The following PPFIBP1 variants were observed in gnomAD, a reference collection of about 807,000 sequenced individuals.
PPFIBP1 encodes the protein PPFIB scaffold protein 1.
In PPFIBP1, 112 loss-of-function variants were observed where a neutral mutation model predicts 137.8. The ratio of observed to expected loss-of-function variants is 0.81; its 90% CI spans 0.70 to 0.95. The LOEUF (loss-of-function observed/expected upper bound fraction) is 0.95. PPFIBP1 is among the 40% of genes least tolerant of loss of function. The pLI is 0.00. For synonymous variants in PPFIBP1, 378 were observed against 417.3 expected (o/e 0.91, Z 1.15); for missense variants, 1,083 against 1,196.6 (o/e 0.91, Z 1.40).
chr12:27,597,317 A>G (rs2053434927), intron 2 of PPFIBP1, among the ~76,000 whole-genome samples: 1 of 152,036 alleles, frequency 6.6e-6, no homozygotes, highest in Non-Finnish European at 1.5e-5. Flanking sequence ...ACAGGCGCCC[A>G]GCTAATTTTT....
chr12:27,537,262 G>A (rs1414878158), intron 1 of PPFIBP1, among the ~76,000 whole-genome samples: 1 of 152,060 alleles, frequency 6.6e-6, no homozygotes, highest in African/African-American at 2.4e-5. Flanking sequence ...CTCCTGAGTA[G>A]CTGGGATTAC....
intron 2 of PPFIBP1, among the ~76,000 whole-genome samples, chr12:27,589,466 A>G (rs1180491575): frequency 6.6e-6 from 1 of 152,184 alleles, no homozygotes; most frequent in Non-Finnish European, 1.5e-5. Context: ...TGACACTATA[A>G]TTAAGAGATA....
chr12:27,605,042 C>G (rs1245353339), intron 2 of PPFIBP1, among the ~76,000 whole-genome samples: 10 of 152,106 alleles, frequency 6.6e-5, no homozygotes, highest in Non-Finnish European at 1.5e-5. Context: ...CCACCAGGTC[C>G]CTCCCACAAC....
chr12:27,651,676 G>T (rs1178777640), intron 7 of PPFIBP1, among the ~76,000 whole-genome samples: 1 of 152,184 alleles, frequency 6.6e-6, no homozygotes, highest in African/African-American at 2.4e-5. Flanking sequence ...GGGAAGAATT[G>T]ATGGTAGATA....
chr12:27,692,207 G>T (rs760892487), intron 28 of PPFIBP1, among the ~76,000 whole-genome samples: 1 of 152,106 alleles, frequency 6.6e-6, no homozygotes, highest in Non-Finnish European at 1.5e-5. Context: ...CTTGCCCAAG[G>T]TCCCCAACCT....
intron 1 of PPFIBP1, chr12:27,547,075 G>C (rs1592371216): frequency 6.6e-6 from 1 of 152,242 alleles, no homozygotes; most frequent in Admixed American, 6.5e-5. Flanking sequence ...TACTTAGGTG[G>C]AACTGTTCTT....
intron 2 of PPFIBP1, among the ~76,000 whole-genome samples, chr12:27,581,039 C>A (rs1183039789): frequency 6.6e-6 from 1 of 151,948 alleles, no homozygotes; most frequent in South Asian, 2.1e-4. Flanking sequence ...GGACTACAGG[C>A]GTGTGCCATC....
intron 28 of PPFIBP1, 75 bp from the exon 29 acceptor site, chr12:27,692,516 A>G: frequency 7.4e-7 from 1 of 1,356,480 alleles, no homozygotes; most frequent in Non-Finnish European, 1.1e-6. Context: ...TTCTTCTTAG[A>G]CTTTTGTTCC....
intron 7 of PPFIBP1, among the ~76,000 whole-genome samples, chr12:27,650,826 G>A (rs1202162620): frequency 2.0e-5 from 3 of 152,168 alleles, no homozygotes; most frequent in Non-Finnish European, 4.4e-5. Context: ...CTCTCTGTTG[G>A]TTTTTGATGG....
chr12:27,535,086 G>A (rs66491775), intron 1 of PPFIBP1, among the ~76,000 whole-genome samples: 25,674 of 152,140 alleles, frequency 0.17, 2,411 homozygotes, highest in Middle Eastern at 0.26. Context: ...ATATTCTTGA[G>A]TTCAATGGTT....
At chr12:27,609,598 A>G (rs1486313019) in intron 2 of PPFIBP1, among the ~76,000 whole-genome samples, 2 of 152,122 alleles carry the variant, frequency 1.3e-5, no homozygotes, top group African/African-American at 4.8e-5. Flanking sequence ...TTTTAGAAAC[A>G]CAGATCACAT....
chr12:27,625,386 C>A (rs538483120), intron 2 of PPFIBP1, among the ~76,000 whole-genome samples: 1 of 151,944 alleles, frequency 6.6e-6, no homozygotes, highest in Admixed American at 6.6e-5. Context: ...TATTTTAAAG[C>A]AAATTCCAAA....
intron 1 of PPFIBP1, among the ~76,000 whole-genome samples, chr12:27,550,473 C>T (rs1428420255): frequency 6.6e-6 from 1 of 152,188 alleles, no homozygotes; most frequent in Admixed American, 6.5e-5. Flanking sequence ...TAACCATCTC[C>T]TGTACACAAG....
intron 27 of PPFIBP1, among the ~76,000 whole-genome samples, chr12:27,691,314 G>T (rs931752981): frequency 6.6e-6 from 1 of 151,878 alleles, no homozygotes; most frequent in African/African-American, 2.4e-5. Context: ...AGTGGCTTGT[G>T]CCTGTAGTTT....
chr12:27,677,135 G>T, intron 19 of PPFIBP1, 39 bp downstream of exon 19: 2 of 1,612,016 alleles, frequency 1.2e-6, no homozygotes, highest in South Asian at 2.2e-5. Flanking sequence ...CCAGCACTGT[G>T]CTCCAAACCA....
chr12:27,533,060 T>C (rs182024002), intron 1 of PPFIBP1, among the ~76,000 whole-genome samples: 116 of 152,296 alleles, frequency 7.6e-4, no homozygotes, highest in African/African-American at 2.6e-3. Context: ...TGGAGAGCAG[T>C]GGCTATTCAC....
intron 1 of PPFIBP1, chr12:27,552,728 C>A (rs1159456167): frequency 2.0e-5 from 3 of 152,080 alleles, no homozygotes; most frequent in Non-Finnish European, 4.4e-5. Flanking sequence ...AAGCATGGAA[C>A]AAAGGATCAT....
At chr12:27,574,670 T>G (rs2050415537) in intron 1 of PPFIBP1, among the ~76,000 whole-genome samples, 1 of 152,202 alleles carries the variant, frequency 6.6e-6, no homozygotes. Flanking sequence ...TTTGAGATTT[T>G]ATTTTGTATA....
intron 1 of PPFIBP1, among the ~76,000 whole-genome samples, chr12:27,562,479 T>C (rs1043372645): frequency 1.1e-4 from 17 of 152,260 alleles, no homozygotes; most frequent in Non-Finnish European, 2.2e-4. Context: ...TGAGATTTAA[T>C]TGGAGCTACA....
Sources: allele counts gnomAD v4.1 joint callset (sites outside exome capture counted in the v4.1 genomes callset), GRCh38; gene constraint gnomAD v4.1.1; transcripts MANE v1.5; gene names NCBI Gene and HGNC (gene_info 2026-07-23, HGNC 2026-07-21).